The following AGBL1 variants were observed in gnomAD, a reference collection of about 807,000 sequenced individuals.
The protein encoded by AGBL1 is AGBL carboxypeptidase 1.
AGBL1 carries 130 observed loss-of-function variants against 118.9 expected under a neutral mutation model. That is an observed-to-expected ratio of 1.09 (90% CI 0.95 to 1.26). AGBL1 has a LOEUF of 1.26. Ranked by LOEUF, AGBL1 falls within the 50% of genes most tolerant of loss-of-function variation. The pLI, the probability that AGBL1 is intolerant of heterozygous loss-of-function variation, is 0.00. For missense variants in AGBL1, 1,584 were observed against 1,298.1 expected, an observed-to-expected ratio of 1.22 and a Z score of -3.38; for synonymous variants, 555 against 478.9, an observed-to-expected ratio of 1.16 and a Z score of -2.08.
intron 21 of AGBL1, among the ~76,000 whole-genome samples, chr15:86,582,283 C>T (rs2142333691): frequency 6.6e-6 from 1 of 152,238 alleles, no homozygotes; most frequent in South Asian, 2.1e-4. Flanking sequence ...ATCTAAGTTA[C>T]CCTACAACAT....
intron 24 of AGBL1, among the ~76,000 whole-genome samples, chr15:87,006,213 C>T (rs2081501084): frequency 6.6e-6 from 1 of 152,184 alleles, no homozygotes; most frequent in Non-Finnish European, 1.5e-5. Context: ...CACTACTCTT[C>T]AAAGCTGTCA....
At chr15:86,779,038 C>G (rs752790159) in intron 22 of AGBL1, among the ~76,000 whole-genome samples, 1 of 152,198 alleles carries the variant, frequency 6.6e-6, no homozygotes, top group Non-Finnish European at 1.5e-5. Context: ...CCTGACTTCC[C>G]GCAACAGCTA....
intron 5 of AGBL1, among the ~76,000 whole-genome samples, chr15:86,176,913 T>C (rs2077490109): frequency 1.3e-5 from 2 of 152,114 alleles, no homozygotes; most frequent in South Asian, 4.1e-4. Context: ...TTTCCCTGCA[T>C]TATGGAGTTT....
chr15:86,278,974 G>A (rs1296352619), intron 15 of AGBL1, among the ~76,000 whole-genome samples: 3 of 152,240 alleles, frequency 2.0e-5, no homozygotes, highest in Admixed American at 1.3e-4. Context: ...TGGGAAGAAA[G>A]TATTGTACAG....
intron 22 of AGBL1, among the ~76,000 whole-genome samples, chr15:86,728,969 A>T (rs2077493673): frequency 6.6e-6 from 1 of 152,218 alleles, no homozygotes; most frequent in Non-Finnish European, 1.5e-5. Flanking sequence ...AGAGTTCAGT[A>T]CATTTAGTTT....
intron 22 of AGBL1, among the ~76,000 whole-genome samples, chr15:86,733,710 T>A (rs1038659667): frequency 6.6e-6 from 1 of 152,336 alleles, no homozygotes; most frequent in Non-Finnish European, 1.5e-5. Context: ...TGAGGAGCTA[T>A]CATTAGCCAT....
intron 22 of AGBL1, among the ~76,000 whole-genome samples, chr15:86,878,586 A>G (rs964145632): frequency 2.6e-4 from 40 of 151,262 alleles, no homozygotes; most frequent in African/African-American, 7.8e-4. Context: ...TCTCTCTTCT[A>G]TATCTTCAAT....
rs186444123 is a variant in AGBL1, at chr15:86,874,401, C to G, written c.3159-32686C>G. ...GGTGGGACACACACACACACACACA[C>G]ACACACACCCTGGGGCCAGTAACCT... On this transcript the variant is annotated intron_variant, in intron 22 of 22. Coordinates refer to ENST00000614907, the MANE Select transcript of AGBL1 (RefSeq NM_001386094.1). Among the ~76,000 whole-genome samples, 126 of 152,046 alleles carry G rather than the reference C, an allele frequency of 8.3e-4. 1 individual carries two copies. The highest frequency in any genetic ancestry group is 2.9e-3 in the African/African-American group (121 of 41,450).
rs1197499447 is a variant in AGBL1, at chr15:86,908,363, GC to G, written c.*1071del. ...CTAAACCCCATCTCTACAAAAATTA[GC>G]CAAGTGTGGTGGCGCACACCTGTAA... is the stretch of plus-strand genomic sequence containing the variant. On this transcript the variant is annotated 3_prime_UTR_variant, in exon 23 of 23. Coordinates refer to ENST00000614907, the MANE Select transcript of AGBL1 (RefSeq NM_001386094.1). 6.6e-6 allele frequency: 1 copy of G among 152,086 alleles called. No individual in the cohort carries two copies. Among genetic ancestry groups the G allele is most frequent in the East Asian group, 1.9e-4 (1 of 5,172 alleles). 9.4% of individuals were successfully genotyped at this position (152,086 alleles called of 1,614,324 possible). A position where few individuals can be genotyped will look rare whatever the true frequency, so the allele number is the denominator to read the frequency against.
At chr15:86,091,121 G>C (rs1459213742) in intron 1 of AGBL1, among the ~76,000 whole-genome samples, 1 of 152,116 alleles carries the variant, frequency 6.6e-6, no homozygotes, top group Non-Finnish European at 1.5e-5. Flanking sequence ...CATCTTCTCT[G>C]TCTTGACATC....
At chr15:86,828,415 C>A (rs1489043594) in intron 22 of AGBL1, among the ~76,000 whole-genome samples, 1 of 145,684 alleles carries the variant, frequency 6.9e-6, no homozygotes, top group South Asian at 2.2e-4. Context: ...GGAAGATTAT[C>A]CTGAATTATC....
At chr15:86,965,862 G>A (rs916024009) in intron 23 of AGBL1, among the ~76,000 whole-genome samples, 1 of 152,048 alleles carries the variant, frequency 6.6e-6, no homozygotes, top group South Asian at 2.1e-4. Flanking sequence ...AGGGGTTGAG[G>A]GCCTAGGGGA....
chr15:86,528,347 G>A lies in AGBL1; in HGVS notation c.2685+5408G>A, dbSNP rs532567148. ...TCTCCGAGTCAAAGAAAGGGGTGAC[G>A]GACGCACCTGGAAAATCAGGTCACT... On this transcript the variant is annotated intron_variant, in intron 19 of 22. Coordinates refer to ENST00000614907, the MANE Select transcript of AGBL1 (RefSeq NM_001386094.1). Among the ~76,000 whole-genome samples the A allele has an allele frequency of 3.3e-5, 5 of 152,300 alleles. No individual in the cohort carries two copies. In the East Asian group the frequency reaches 5.8e-4, roughly 18 times the overall value.
At chr15:87,010,876 A>G (rs560488470) in intron 24 of AGBL1, among the ~76,000 whole-genome samples, 5 of 152,304 alleles carry the variant, frequency 3.3e-5, no homozygotes, top group African/African-American at 7.2e-5. Context: ...CTGTTCATCT[A>G]TCTATCCACC....
At chr15:86,868,328 CA>C (rs1265397277) in intron 22 of AGBL1, among the ~76,000 whole-genome samples, 1 of 152,224 alleles carries the variant, frequency 6.6e-6, no homozygotes, top group African/African-American at 2.4e-5. Flanking sequence ...ACAAAGCTTG[CA>C]TATAGCTAAC....
At position 86,998,282 on chromosome 15, in the gene AGBL1, T is replaced by C. The variant is rs192547873; in HGVS notation, c.3323+10194T>C. On this transcript the variant is annotated intron_variant, in intron 24 of 24. Transcript: ENST00000441037. ...TTGTATTTCAAGTAGATTCTCTCAATTGACTCTATCCTTTCATGGCTTTAG... is the reference window on the plus strand; with the variant it reads ...TTGTATTTCAAGTAGATTCTCTCAACTGACTCTATCCTTTCATGGCTTTAG... Among the ~76,000 whole-genome samples the C allele has an allele frequency of 3.1e-3, 465 of 152,298 alleles. 5 individuals are homozygous for C. Among genetic ancestry groups the C allele is most frequent in the African/African-American group, 0.011 (445 of 41,574 alleles).
chr15:86,241,576 T>C (rs1174568444), intron 6 of AGBL1, among the ~76,000 whole-genome samples: 1 of 152,106 alleles, frequency 6.6e-6, no homozygotes, highest in African/African-American at 2.4e-5. Context: ...TGGCATCTGG[T>C]GAGGGCCTTC....
intron 21 of AGBL1, among the ~76,000 whole-genome samples, chr15:86,633,343 A>T (rs2085009444): frequency 1.3e-5 from 2 of 151,926 alleles, no homozygotes; most frequent in Non-Finnish European, 2.9e-5. Flanking sequence ...TGCACCATGA[A>T]TTTTTTTTAT....
intron 24 of AGBL1, among the ~76,000 whole-genome samples, chr15:86,994,348 C>T (rs764424199): frequency 5.3e-5 from 8 of 152,068 alleles, no homozygotes; most frequent in Non-Finnish European, 1.2e-4. Flanking sequence ...CTCTCTACGT[C>T]CCAGGATGGG....
Sources: allele counts gnomAD v4.1 joint callset (sites outside exome capture counted in the v4.1 genomes callset), GRCh38; gene constraint gnomAD v4.1.1; transcripts MANE v1.5; gene names NCBI Gene and HGNC (gene_info 2026-07-23, HGNC 2026-07-21).